The following PAK2 variants were observed in gnomAD, a reference collection of about 807,000 sequenced individuals.
PAK2 encodes p21 (RAC1) activated kinase 2.
PAK2 carries 21 observed loss-of-function variants against 65.9 expected under a neutral mutation model. The observed-to-expected ratio is 0.32, with a 90% CI of 0.23 to 0.46. PAK2 has a LOEUF of 0.46. Ranked by LOEUF, PAK2 falls within the 20% of genes least tolerant of loss-of-function variation. The pLI is 1.00. For synonymous variants in PAK2, 204 were observed against 219.7 expected (o/e 0.93, Z 0.63); for missense variants, 324 against 642.6 (o/e 0.50, Z 5.36).
chr3:196,746,741 C>A (rs1326833940), intron 1 of PAK2, among the ~76,000 whole-genome samples: 3 of 149,544 alleles, frequency 2.0e-5, no homozygotes, highest in Non-Finnish European at 3.0e-5. Flanking sequence ...ACCCGGGAGG[C>A]GGAGGTTGCA....
chr3:196,768,722 G>A (rs1280013068), intron 1 of PAK2, among the ~76,000 whole-genome samples: 1 of 151,392 alleles, frequency 6.6e-6, no homozygotes, highest in Admixed American at 6.6e-5. Flanking sequence ...GCTGGAATAC[G>A]GGGTGAAATC....
At chr3:196,768,900 C>G (rs1714270285) in intron 1 of PAK2, among the ~76,000 whole-genome samples, 1 of 151,888 alleles carries the variant, frequency 6.6e-6, no homozygotes. Flanking sequence ...TCCCAGACCT[C>G]AAGTGATCCA....
At chr3:196,766,377 A>G (rs1358875454) in intron 1 of PAK2, among the ~76,000 whole-genome samples, 2 of 152,186 alleles carry the variant, frequency 1.3e-5, no homozygotes, top group Non-Finnish European at 2.9e-5. Flanking sequence ...ACTGTGTAAT[A>G]CATATAATAC....
chr3:196,740,313 C>T (rs1713146114), intron 1 of PAK2, among the ~76,000 whole-genome samples, 156 bp downstream of exon 1: 1 of 152,166 alleles, frequency 6.6e-6, no homozygotes, highest in Non-Finnish European at 1.5e-5. Flanking sequence ...GCCGCAGCTC[C>T]TGGGGCGGTG....
intron 3 of PAK2, 137 bp from the exon 4 acceptor site, chr3:196,802,880 A>G (rs1715463134): frequency 1.8e-6 from 1 of 543,672 alleles, no homozygotes; most frequent in East Asian, 3.4e-5. Context: ...ACCTTTAGAA[A>G]ATGAGATCTT....
At chr3:196,809,496 A>C (rs1335002810) in intron 7 of PAK2, among the ~76,000 whole-genome samples, 1 of 150,006 alleles carries the variant, frequency 6.7e-6, no homozygotes, top group African/African-American at 2.4e-5. Context: ...GGTGTGCGCC[A>C]CCACACCCCG....
chr3:196,742,016 T>G (rs1258710053), intron 1 of PAK2, among the ~76,000 whole-genome samples: 1 of 152,154 alleles, frequency 6.6e-6, no homozygotes, highest in Non-Finnish European at 1.5e-5. Context: ...ATTAAGTTTA[T>G]AGTTCGAGTA....
At chr3:196,804,824 TAC>T (rs1246114369) in intron 4 of PAK2, among the ~76,000 whole-genome samples, 53 of 11,216 alleles carry the variant, frequency 4.7e-3, no homozygotes, top group African/African-American at 0.017. Context: ...TATATATATA[TAC>T]ACATATATAT....
intron 1 of PAK2, among the ~76,000 whole-genome samples, chr3:196,772,299 A>T (rs903266356): frequency 6.6e-6 from 1 of 152,176 alleles, no homozygotes; most frequent in African/African-American, 2.4e-5. Flanking sequence ...GCAGCCATCA[A>T]AGTGGAAGCA....
chr3:196,777,949 G>A (rs1266315900), intron 1 of PAK2, among the ~76,000 whole-genome samples: 1 of 152,142 alleles, frequency 6.6e-6, no homozygotes, highest in African/African-American at 2.4e-5. Context: ...TGGTTTTAGT[G>A]TATTCACAGG....
At chr3:196,813,618 A>G (rs1422417980) in intron 10 of PAK2, among the ~76,000 whole-genome samples, 3 of 152,150 alleles carry the variant, frequency 2.0e-5, no homozygotes, top group Non-Finnish European at 1.5e-5. Context: ...AATAATGTTT[A>G]GAGACTTTAT....
At chr3:196,763,420 C>A (rs547951292) in intron 1 of PAK2, among the ~76,000 whole-genome samples, 1 of 152,112 alleles carries the variant, frequency 6.6e-6, no homozygotes, top group Non-Finnish European at 1.5e-5. Context: ...TGATGTCTCT[C>A]CAGCGCCCTA....
At chr3:196,740,484 T>G (rs1360038457) in intron 1 of PAK2, among the ~76,000 whole-genome samples, 1 of 152,178 alleles carries the variant, frequency 6.6e-6, no homozygotes. Flanking sequence ...CCCCTCGCGT[T>G]TCACCCTCTT....
At chr3:196,813,817 C>G (rs1715906123) in intron 10 of PAK2, among the ~76,000 whole-genome samples, 2 of 150,738 alleles carry the variant, frequency 1.3e-5, no homozygotes, top group Non-Finnish European at 3.0e-5. Context: ...GGGCATGGTG[C>G]CGCACACCTG....
intron 2 of PAK2, among the ~76,000 whole-genome samples, chr3:196,793,928 C>T (rs1263484172): frequency 6.6e-6 from 1 of 151,990 alleles, no homozygotes; most frequent in Non-Finnish European, 1.5e-5. Flanking sequence ...ATCAGAAGTT[C>T]GAAACCAGCC....
At chr3:196,823,277 A>G (rs1577752520) in intron 13 of PAK2, among the ~76,000 whole-genome samples, 1 of 152,180 alleles carries the variant, frequency 6.6e-6, no homozygotes, top group African/African-American at 2.4e-5. Context: ...AGAAAAGACT[A>G]ACGGGATCTG....
At chr3:196,788,745 C>T (rs191128778) in intron 2 of PAK2, among the ~76,000 whole-genome samples, 30 of 152,248 alleles carry the variant, frequency 2.0e-4, no homozygotes, top group Admixed American at 1.9e-3. Context: ...GTAAGGGAAA[C>T]GATAGTTACA....
intron 2 of PAK2, among the ~76,000 whole-genome samples, chr3:196,786,650 A>G (rs907453590): frequency 1.3e-5 from 2 of 151,892 alleles, no homozygotes; most frequent in African/African-American, 4.8e-5. Flanking sequence ...TTAAACTTGG[A>G]TAGTATCCCA....
At chr3:196,749,919 T>C (rs1470999814) in intron 1 of PAK2, among the ~76,000 whole-genome samples, 1 of 152,008 alleles carries the variant, frequency 6.6e-6, no homozygotes, top group Non-Finnish European at 1.5e-5. Flanking sequence ...GCTCCTAGGC[T>C]GAAGCGATCT....
Sources: gnomAD v4.1 joint callset for allele counts (sites outside exome capture counted in the v4.1 genomes callset) on GRCh38, gnomAD v4.1.1 for gene constraint, MANE v1.5 for transcripts, NCBI Gene and HGNC (gene_info 2026-07-23, HGNC 2026-07-21) for gene names.